RAB38: variants seen among roughly 807,000 people sequenced by gnomAD.
RAB38 encodes RAB38, member RAS oncogene family, also known as ras-related protein Rab-38.
RAB38 carries 15 observed loss-of-function variants against 18.4 expected under a neutral mutation model. That is an observed-to-expected ratio of 0.82 (90% CI 0.55 to 1.26). The LOEUF (loss-of-function observed/expected upper bound fraction) is 1.26, where lower values mean the gene tolerates loss of function less well. Among genes scored for constraint, RAB38 ranks in the 50% most tolerant of loss-of-function variants. RAB38 has a pLI of 0.00. For missense variants in RAB38, 294 were observed against 267.4 expected, an observed-to-expected ratio of 1.10 and a Z score of -0.69; for synonymous variants, 101 against 104.4, an observed-to-expected ratio of 0.97 and a Z score of 0.20.
chr11:87,973,811 G>A, the RAB38 span, among the ~76,000 whole-genome samples: 30 of 151,874 alleles, frequency 2.0e-4, no homozygotes, highest in Non-Finnish European at 3.7e-4. Flanking sequence ...ACCAATCCAG[G>A]TTAGAGTGAA....
the RAB38 span, among the ~76,000 whole-genome samples, chr11:88,066,015 C>A: frequency 2.0e-5 from 3 of 152,320 alleles, no homozygotes; most frequent in East Asian, 3.9e-4. Flanking sequence ...GTGAACCCAA[C>A]TCTGCAAAGG....
the RAB38 span, among the ~76,000 whole-genome samples, chr11:87,912,064 A>G: frequency 1.3e-5 from 2 of 151,992 alleles, no homozygotes; most frequent in East Asian, 1.9e-4. Flanking sequence ...AAACTTGGTC[A>G]TGATGAATTA....
chr11:88,100,804 C>G, the RAB38 span, among the ~76,000 whole-genome samples: 2 of 151,876 alleles, frequency 1.3e-5, no homozygotes, highest in South Asian at 4.1e-4. Flanking sequence ...TATGGACAGG[C>G]AGGTTTTGTA....
chr11:87,844,564 C>A, the RAB38 span, among the ~76,000 whole-genome samples: 1 of 152,196 alleles, frequency 6.6e-6, no homozygotes, highest in East Asian at 1.9e-4. Flanking sequence ...AAAGTCTATA[C>A]TACTAACCAC....
chr11:88,105,233 T>G, the RAB38 span, among the ~76,000 whole-genome samples: 1 of 152,198 alleles, frequency 6.6e-6, no homozygotes, highest in African/African-American at 2.4e-5. Flanking sequence ...TCATGTGCTT[T>G]ATTTTTATTC....
At chr11:88,046,975 C>T in the RAB38 span, among the ~76,000 whole-genome samples, 2 of 152,146 alleles carry the variant, frequency 1.3e-5, no homozygotes, top group Non-Finnish European at 2.9e-5. Context: ...TGGGACCATG[C>T]CCTGTAGCCT....
the RAB38 span, among the ~76,000 whole-genome samples, chr11:87,935,139 G>T: frequency 1.9e-5 from 2 of 105,890 alleles, no homozygotes; most frequent in Non-Finnish European, 3.8e-5. Flanking sequence ...GAGAAATTAA[G>T]GGTTGCTATA....
chr11:88,162,467 G>T (rs1356521648), intron 1 of RAB38, among the ~76,000 whole-genome samples: 1 of 140,078 alleles, frequency 7.1e-6, no homozygotes, highest in Non-Finnish European at 1.6e-5. Context: ...TCTCCCAGTG[G>T]ATTTGCAGGC....
At chr11:87,847,119 G>A in the RAB38 span, among the ~76,000 whole-genome samples, 18 of 151,882 alleles carry the variant, frequency 1.2e-4, no homozygotes, top group African/African-American at 4.3e-4. Context: ...ACTAGAAAAA[G>A]AATAACAAAG....
chr11:87,828,107 T>A, the RAB38 span, among the ~76,000 whole-genome samples: 5 of 152,230 alleles, frequency 3.3e-5, no homozygotes, highest in Non-Finnish European at 2.9e-5. Context: ...CTCTGTGCTC[T>A]ATCTTTGCAA....
At chr11:87,906,005 C>T in the RAB38 span, among the ~76,000 whole-genome samples, 1,387 of 152,070 alleles carry the variant, frequency 9.1e-3, 17 homozygotes, top group African/African-American at 0.032. Flanking sequence ...ATGGGTGCCT[C>T]AGAGCTGAAA....
intron 1 of RAB38, among the ~76,000 whole-genome samples, chr11:88,162,184 CT>C (rs1943194963): frequency 6.6e-6 from 1 of 152,098 alleles, no homozygotes; most frequent in Non-Finnish European, 1.5e-5. Context: ...ATTTGACAGT[CT>C]GGCGGTGGTT....
the RAB38 span, among the ~76,000 whole-genome samples, chr11:87,911,794 CTTATA>C: frequency 6.6e-6 from 1 of 151,746 alleles, no homozygotes; most frequent in Non-Finnish European, 1.5e-5. Flanking sequence ...TGCTGTGTTT[CTTATA>C]TTAAAGATAC....
the RAB38 span, among the ~76,000 whole-genome samples, chr11:87,849,907 G>T: frequency 1.3e-5 from 2 of 151,990 alleles, no homozygotes; most frequent in Non-Finnish European, 2.9e-5. Context: ...ATTATGATGA[G>T]CTCAAACTAG....
At chr11:87,883,692 A>G in the RAB38 span, among the ~76,000 whole-genome samples, 3 of 151,854 alleles carry the variant, frequency 2.0e-5, no homozygotes, top group Non-Finnish European at 2.9e-5. Context: ...AACAACAGAG[A>G]CCCTTTCCAG....
the RAB38 span, among the ~76,000 whole-genome samples, chr11:87,883,095 T>G: frequency 0.016 from 2,462 of 152,014 alleles, 67 homozygotes; most frequent in African/African-American, 0.055. Flanking sequence ...GAAATACTCT[T>G]TGTAGATTTT....
At chr11:87,832,419 G>A in the RAB38 span, among the ~76,000 whole-genome samples, 18 of 152,280 alleles carry the variant, frequency 1.2e-4, no homozygotes, top group Middle Eastern at 3.4e-3. Flanking sequence ...GGTTTCACAA[G>A]ACAGAAATCA....
At chr11:87,911,966 T>A in the RAB38 span, among the ~76,000 whole-genome samples, 1 of 151,940 alleles carries the variant, frequency 6.6e-6, no homozygotes, top group Non-Finnish European at 1.5e-5. Context: ...TTTATTGAGA[T>A]GATCTTTTTT....
the RAB38 span, among the ~76,000 whole-genome samples, chr11:88,049,648 A>G: frequency 6.6e-6 from 1 of 152,128 alleles, no homozygotes; most frequent in Non-Finnish European, 1.5e-5. Context: ...TGGTGCTGTG[A>G]CTTGGATCGA....
Sources: gnomAD v4.1 joint callset for allele counts (sites outside exome capture counted in the v4.1 genomes callset) on GRCh38, gnomAD v4.1.1 for gene constraint, MANE v1.5 for transcripts, NCBI Gene and HGNC (gene_info 2026-07-23, HGNC 2026-07-21) for gene names.